The following WDR70 variants were observed in gnomAD, a reference collection of about 807,000 sequenced individuals.
WDR70 encodes the protein WD repeat-containing protein 70.
A neutral mutation model predicts 88.6 loss-of-function variants in WDR70; 53 were observed. The observed-to-expected ratio is 0.60, with a 90% CI of 0.48 to 0.75. The LOEUF (loss-of-function observed/expected upper bound fraction) is 0.75, where lower values mean the gene tolerates loss of function less well. Ranked by LOEUF, WDR70 falls within the 30% of genes least tolerant of loss-of-function variation. WDR70 has a pLI of 0.00. For synonymous variants in WDR70, 280 were observed against 270.0 expected (o/e 1.04, Z -0.36); for missense variants, 610 against 823.2 (o/e 0.74, Z 3.17).
At chr5:37,472,310 A>G (rs527258113) in intron 7 of WDR70, among the ~76,000 whole-genome samples, 2 of 152,038 alleles carry the variant, frequency 1.3e-5, no homozygotes, top group African/African-American at 4.8e-5. Context: ...CATAGAGGCA[A>G]GTACTTTTAA....
chr5:37,605,185 A>G lies in WDR70; in HGVS notation c.1039A>G (p.Ile347Val), dbSNP rs1389753541. 6.2e-7 allele frequency: 1 copy of G among 1,612,834 alleles called. No homozygotes were observed. Among genetic ancestry groups the G allele is most frequent in the Non-Finnish European group, 8.5e-7 (1 of 1,179,330 alleles). Reference protein sequence around the residue: ...TCTYSRDGNLIAAACQNGSIQ... With the variant: ...TCTYSRDGNLVAAACQNGSIQ... Reference sequence around the variant, plus strand: ...CACATATAGTAGAGATGGAAACCTCATAGCAGCTGCCTGCCAGAATGGAAG... The same window carrying G: ...CACATATAGTAGAGATGGAAACCTCGTAGCAGCTGCCTGCCAGAATGGAAG... The change falls in exon 10 of 18, where the codon ATA (isoleucine) becomes GTA (valine). Residue 347 changes from isoleucine to valine, a missense_variant. By Grantham distance (29) the Ile-to-Val change is conservative (BLOSUM62 3). Transcript: ENST00000265107.
At position 37,624,500 on chromosome 5, in the gene WDR70, T is replaced by C. The variant is rs140161467; in HGVS notation, c.1092+19262T>C. 4.6e-5 allele frequency among the ~76,000 whole-genome samples: 7 copies of C among 152,306 alleles called. No homozygotes were observed. The East Asian group carries it at 1.3e-3, about 29-fold the overall frequency. Reference sequence around the variant, plus strand: ...GTTGTGAATAGGGCAGCAGTACACATGGAAATACAGGTATCTTTTTGACAC... The same window carrying C: ...GTTGTGAATAGGGCAGCAGTACACACGGAAATACAGGTATCTTTTTGACAC... On this transcript the variant is annotated intron_variant, in intron 10 of 17. Transcript: ENST00000265107.
chr5:37,424,255 T>C (rs1409912635), intron 5 of WDR70, among the ~76,000 whole-genome samples: 1 of 150,652 alleles, frequency 6.6e-6, no homozygotes, highest in African/African-American at 2.4e-5. Context: ...CAGATGTCTC[T>C]GTGTGGTTAG....
chr5:37,644,523 C>T (rs1191465915), intron 10 of WDR70, among the ~76,000 whole-genome samples: 2 of 151,952 alleles, frequency 1.3e-5, no homozygotes, highest in African/African-American at 4.8e-5. Context: ...ATTCTCTTCT[C>T]TATTATTTGG....
At chr5:37,554,136 C>T (rs531267797) in intron 9 of WDR70, among the ~76,000 whole-genome samples, 3 of 142,582 alleles carry the variant, frequency 2.1e-5, no homozygotes, top group South Asian at 2.2e-4. Flanking sequence ...TAAGTACGCT[C>T]AGGTTGTTTG....
At chr5:37,442,385 G>A (rs1397112975) in intron 6 of WDR70, among the ~76,000 whole-genome samples, 1 of 144,986 alleles carries the variant, frequency 6.9e-6, no homozygotes, top group Admixed American at 7.1e-5. Context: ...GTCACCCAGG[G>A]TGGAATGCAG....
intron 9 of WDR70, among the ~76,000 whole-genome samples, chr5:37,551,386 CT>C (rs1320788841): frequency 2.0e-5 from 3 of 151,788 alleles, no homozygotes; most frequent in Non-Finnish European, 4.4e-5. Context: ...AGCTTTTTAA[CT>C]TTTTGTTATT....
rs887683427 is a variant in WDR70, at chr5:37,605,123, G to A, written c.977G>A (p.Arg326Gln). 5.6e-6 allele frequency: 9 copies of A among 1,613,114 alleles called. No individual in the cohort carries two copies. The highest frequency in any genetic ancestry group is 3.3e-4 in the Middle Eastern group (2 of 6,056). Reference sequence around the variant, plus strand: ...AAGCAAAAAAGTGTGTTTAAACCACGGACGATGCAAGGCAAAAAAGTCATT... The same window carrying A: ...AAGCAAAAAAGTGTGTTTAAACCACAGACGATGCAAGGCAAAAAAGTCATT... ...PKKQKSVFKPRTMQGKKVIPT... is the reference protein window; with the variant it reads ...PKKQKSVFKPQTMQGKKVIPT... The change falls in exon 10 of 18, where the codon CGG becomes CAG. Residue 326 changes from arginine to glutamine, a missense_variant. Around this residue, in one of 4 missense-constraint regions of WDR70, gnomAD observed 254 missense variants for 300.7 expected, o/e 0.84. Coordinates refer to ENST00000265107, the MANE Select transcript of WDR70 (RefSeq NM_018034.4).
At chr5:37,724,896 T>C (rs1363944116) in intron 15 of WDR70, 38 bp from the exon 16 acceptor site, 43 of 1,566,254 alleles carry the variant, frequency 2.7e-5, no homozygotes, top group Non-Finnish European at 3.4e-5. Flanking sequence ...GGGAAGGTTA[T>C]TGTTATAATG....
intron 10 of WDR70, among the ~76,000 whole-genome samples, chr5:37,688,596 A>G (rs1040311734): frequency 6.6e-6 from 1 of 151,914 alleles, no homozygotes; most frequent in Non-Finnish European, 1.5e-5. Context: ...GATATAAGGA[A>G]GTGGCAAATT....
At chr5:37,733,391 A>G (rs887423950) in intron 17 of WDR70, among the ~76,000 whole-genome samples, 1 of 152,106 alleles carries the variant, frequency 6.6e-6, no homozygotes, top group African/African-American at 2.4e-5. Flanking sequence ...GATATTTTTG[A>G]GAGAACCATT....
chr5:37,460,690 T>TAG (rs1554140970), intron 7 of WDR70, among the ~76,000 whole-genome samples: 6 of 121,580 alleles, frequency 4.9e-5, no homozygotes, highest in African/African-American at 1.7e-4. Flanking sequence ...TAGAGTATAA[T>TAG]AAAAAAAAAC....
intron 9 of WDR70, among the ~76,000 whole-genome samples, chr5:37,555,321 TC>T (rs1167197720): frequency 6.6e-6 from 1 of 152,192 alleles, no homozygotes; most frequent in Non-Finnish European, 1.5e-5. Flanking sequence ...TATCCCCACT[TC>T]CAACACAACA....
chr5:37,736,020 A>G (rs1376912331), intron 17 of WDR70, among the ~76,000 whole-genome samples: 1 of 152,198 alleles, frequency 6.6e-6, no homozygotes, highest in Non-Finnish European at 1.5e-5. Context: ...TTTCAAACAC[A>G]GCAGGATCAC....
intron 10 of WDR70, among the ~76,000 whole-genome samples, chr5:37,654,519 A>G (rs886615874): frequency 6.6e-6 from 1 of 152,044 alleles, no homozygotes; most frequent in Admixed American, 6.6e-5. Context: ...TGTCTCATTG[A>G]TCTGTGTAAT....
chr5:37,522,573 T>C (rs1023376691), intron 9 of WDR70, among the ~76,000 whole-genome samples: 9 of 151,690 alleles, frequency 5.9e-5, no homozygotes, highest in Admixed American at 2.0e-4. Flanking sequence ...AGATGGGTGA[T>C]TTCTGCATTT....
chr5:37,455,636 CTTTTTTTTT>C (rs59254502), intron 7 of WDR70, among the ~76,000 whole-genome samples: 1 of 70,422 alleles, frequency 1.4e-5, no homozygotes, highest in African/African-American at 4.6e-5. Flanking sequence ...TTCTCTTTAT[CTTTTTTTTT>C]TTTTTTTTTT....
intron 9 of WDR70, among the ~76,000 whole-genome samples, chr5:37,517,655 T>C (rs968340143): frequency 1.3e-5 from 2 of 151,530 alleles, no homozygotes; most frequent in African/African-American, 4.8e-5. Flanking sequence ...GCATGAGCTA[T>C]GGCACCAGAC....
At position 37,630,135 on chromosome 5, in the gene WDR70, C is replaced by T. The variant is rs1311393535; in HGVS notation, c.1092+24897C>T. ...GCCAGGCTTGGGCTAACTGGGCTGT[C>T]TCTTAGGTTGGGCATTTGTTCATGC... On this transcript the variant is annotated intron_variant, in intron 10 of 17. Transcript: ENST00000265107. 2.0e-5 allele frequency among the ~76,000 whole-genome samples: 3 copies of T among 152,128 alleles called. No homozygotes were observed. In the East Asian group the frequency reaches 5.8e-4, roughly 29 times the overall value.
Sources: gnomAD v4.1 joint callset for allele counts (sites outside exome capture counted in the v4.1 genomes callset) on GRCh38, gnomAD v4.1.1 for gene constraint, gnomAD v4.1.1 regional missense constraint, MANE v1.5 for transcripts, NCBI Gene and HGNC (gene_info 2026-07-23, HGNC 2026-07-21) for gene names.